The following TCF4 variants were observed in gnomAD, a reference collection of about 807,000 sequenced individuals.
TCF4 encodes the protein SL3-3 enhancer factor 2.
A neutral mutation model predicts 82.1 loss-of-function variants in TCF4; 3 were observed. The ratio of observed to expected loss-of-function variants is 0.04; its 90% CI spans 0.02 to 0.09. The LOEUF is 0.09. Ranked by LOEUF, TCF4 falls within the 10% of genes least tolerant of loss-of-function variation. TCF4 has a pLI of 1.00. For synonymous variants in TCF4, 276 were observed against 309.6 expected (o/e 0.89, Z 1.14); for missense variants, 518 against 852.7 (o/e 0.61, Z 4.89).
intron 8 of TCF4, among the ~76,000 whole-genome samples, chr18:55,279,898 T>A (rs1264940318): frequency 6.6e-6 from 1 of 152,202 alleles, no homozygotes; most frequent in Non-Finnish European, 1.5e-5. Flanking sequence ...CCAGTTGATG[T>A]AAACCATGTC....
At chr18:55,400,638 G>A (rs780877989) in intron 6 of TCF4, among the ~76,000 whole-genome samples, 5 of 152,086 alleles carry the variant, frequency 3.3e-5, no homozygotes, top group Non-Finnish European at 7.4e-5. Flanking sequence ...AGCGTCATAT[G>A]TCCATCAGTA....
intron 2 of TCF4, among the ~76,000 whole-genome samples, chr18:55,598,200 G>A (rs956250843): frequency 3.3e-5 from 5 of 152,192 alleles, no homozygotes; most frequent in African/African-American, 1.2e-4. Flanking sequence ...AGTTGAATCT[G>A]GAAAGAAAAG....
intron 3 of TCF4, among the ~76,000 whole-genome samples, chr18:55,468,834 A>C (rs993731476): frequency 2.0e-5 from 3 of 151,906 alleles, no homozygotes; most frequent in African/African-American, 7.3e-5. Flanking sequence ...ACATAGTGAC[A>C]AATGAAAAAC....
intron 6 of TCF4, among the ~76,000 whole-genome samples, chr18:55,378,380 C>A (rs935629087): frequency 1.3e-5 from 2 of 152,192 alleles, no homozygotes; most frequent in Admixed American, 6.5e-5. Context: ...TTAATCCTCA[C>A]AAAATCATAT....
At chr18:55,425,326 T>G (rs2094932230) in intron 5 of TCF4, among the ~76,000 whole-genome samples, 1 of 151,906 alleles carries the variant, frequency 6.6e-6, no homozygotes, top group Non-Finnish European at 1.5e-5. Context: ...TTCAGAATGG[T>G]TTGATGATGC....
At chr18:55,508,799 A>C (rs1003609487) in intron 3 of TCF4, among the ~76,000 whole-genome samples, 2 of 152,204 alleles carry the variant, frequency 1.3e-5, no homozygotes, top group African/African-American at 4.8e-5. Flanking sequence ...AACAAACTGC[A>C]AATAACAAAA....
intron 3 of TCF4, among the ~76,000 whole-genome samples, chr18:55,527,208 C>T (rs1400971609): frequency 6.6e-6 from 1 of 152,150 alleles, no homozygotes; most frequent in Non-Finnish European, 1.5e-5. Context: ...ACACTGACCC[C>T]ATAACAAACA....
chr18:55,589,826 G>A (rs912395506), upstream of TCF4: 1 of 1,005,746 alleles, frequency 9.9e-7, no homozygotes, highest in South Asian at 4.7e-5. Flanking sequence ...AGCTGCGGCC[G>A]CGGCTGCTCC....
intron 15 of TCF4, among the ~76,000 whole-genome samples, chr18:55,237,092 G>A (rs1208469165): frequency 1.3e-5 from 2 of 152,116 alleles, no homozygotes; most frequent in African/African-American, 4.8e-5. Context: ...CCATGCAATC[G>A]TACATGACAA....
chr18:55,390,307 A>AAAAAG (rs1556003274), intron 6 of TCF4, among the ~76,000 whole-genome samples: 14 of 140,818 alleles, frequency 9.9e-5, no homozygotes, highest in African/African-American at 3.0e-4. Flanking sequence ...AAAAAAAAAA[A>AAAAAG]AAAGAAAGAA....
chr18:55,371,502 T>A (rs41421645), intron 6 of TCF4, among the ~76,000 whole-genome samples: 11,427 of 152,222 alleles, frequency 0.075, 714 homozygotes, highest in South Asian at 0.17. Flanking sequence ...CATATGTTAG[T>A]ACAAAAGGAG....
At chr18:55,277,306 C>T (rs2146197868) in intron 9 of TCF4, among the ~76,000 whole-genome samples, 1 of 152,122 alleles carries the variant, frequency 6.6e-6, no homozygotes, top group East Asian at 1.9e-4. Context: ...ATATGAAGTT[C>T]AAGATCACTA....
At chr18:55,555,591 T>C (rs1210965466) in intron 3 of TCF4, among the ~76,000 whole-genome samples, 5 of 152,188 alleles carry the variant, frequency 3.3e-5, no homozygotes, top group Admixed American at 1.3e-4. Flanking sequence ...CCCTCAACAA[T>C]CTGCCCACTG....
intron 5 of TCF4, among the ~76,000 whole-genome samples, chr18:55,434,043 T>C (rs945403257): frequency 2.6e-5 from 4 of 152,166 alleles, no homozygotes; most frequent in Non-Finnish European, 5.9e-5. Context: ...TAAAACAATT[T>C]TTTCAAATGC....
chr18:55,283,619 G>A (rs1177813015), intron 8 of TCF4, among the ~76,000 whole-genome samples: 10 of 152,184 alleles, frequency 6.6e-5, no homozygotes, highest in Non-Finnish European at 1.5e-4. Context: ...AGAAGGTCAA[G>A]TGTATTGGCC....
At chr18:55,553,081 C>T (rs2097274003) in intron 3 of TCF4, 1 of 152,224 alleles carries the variant, frequency 6.6e-6, no homozygotes, top group African/African-American at 2.4e-5. Flanking sequence ...AGTGGAAGCA[C>T]ATCCTATGGT....
At chr18:55,571,716 G>C (rs1327080930) in intron 3 of TCF4, among the ~76,000 whole-genome samples, 4 of 151,324 alleles carry the variant, frequency 2.6e-5, no homozygotes, top group East Asian at 1.9e-4. Context: ...GGCCAGAGGG[G>C]AATGTGAATG....
At chr18:55,512,865 G>C (rs2096842393) in intron 3 of TCF4, among the ~76,000 whole-genome samples, 1 of 152,114 alleles carries the variant, frequency 6.6e-6, no homozygotes, top group East Asian at 1.9e-4. Context: ...AGAAATACTG[G>C]TACTTCTGAA....
chr18:55,388,325 A>C (rs1179805089), intron 6 of TCF4, among the ~76,000 whole-genome samples: 1 of 152,168 alleles, frequency 6.6e-6, no homozygotes, highest in East Asian at 1.9e-4. Context: ...CTTCAGGGCC[A>C]GAAATTTCCA....
Sources: allele counts gnomAD v4.1 joint callset (sites outside exome capture counted in the v4.1 genomes callset), GRCh38; gene constraint gnomAD v4.1.1; transcripts MANE v1.5; gene names NCBI Gene and HGNC (gene_info 2026-07-23, HGNC 2026-07-21).